The following RUNX2 variants were observed in gnomAD, a reference collection of about 807,000 sequenced individuals.
The protein encoded by RUNX2 is RUNX family transcription factor 2, also known as runt-related transcription factor 2.
A neutral mutation model predicts 51.7 loss-of-function variants in RUNX2; 10 were observed. That is an observed-to-expected ratio of 0.19 (90% CI 0.12 to 0.33). The LOEUF (loss-of-function observed/expected upper bound fraction) is 0.33, where lower values mean the gene tolerates loss of function less well. RUNX2 is among the 10% of genes least tolerant of loss of function. The pLI, the probability that RUNX2 is intolerant of heterozygous loss-of-function variation, is 1.00. For missense variants in RUNX2, 562 were observed against 691.3 expected, an observed-to-expected ratio of 0.81 and a Z score of 2.10; for synonymous variants, 276 against 273.6, an observed-to-expected ratio of 1.01 and a Z score of -0.09.
At chr6:45,337,472 G>GA (rs1165915885) in intron 2 of RUNX2, among the ~76,000 whole-genome samples, 1 of 151,656 alleles carries the variant, frequency 6.6e-6, no homozygotes, top group Non-Finnish European at 1.5e-5. Context: ...TAGAAGGCCA[G>GA]AAAATCTTAT....
intron 7 of RUNX2, among the ~76,000 whole-genome samples, chr6:45,530,649 C>A (rs1246720009): frequency 6.6e-6 from 1 of 152,192 alleles, no homozygotes; most frequent in Non-Finnish European, 1.5e-5. Flanking sequence ...TATGTACAGA[C>A]AAACTGAGGA....
chr6:45,499,176 T>G (rs531511701), intron 6 of RUNX2, among the ~76,000 whole-genome samples: 54 of 152,126 alleles, frequency 3.5e-4, no homozygotes, highest in Non-Finnish European at 5.7e-4. Context: ...TTGTTGGAAG[T>G]GGTTCTTTTT....
chr6:45,449,116 G>A (rs1317315575), intron 5 of RUNX2, among the ~76,000 whole-genome samples: 1 of 152,150 alleles, frequency 6.6e-6, no homozygotes, highest in Non-Finnish European at 1.5e-5. Flanking sequence ...ATTCCCTTAT[G>A]GCTAAGGGGA....
At chr6:45,350,952 T>C (rs1791881985) in intron 2 of RUNX2, among the ~76,000 whole-genome samples, 2 of 152,122 alleles carry the variant, frequency 1.3e-5, no homozygotes, top group Admixed American at 6.5e-5. Context: ...GTCAGATCAG[T>C]AGCAGCATTA....
At chr6:45,533,804 T>A (rs1397309832) in intron 7 of RUNX2, among the ~76,000 whole-genome samples, 1 of 151,856 alleles carries the variant, frequency 6.6e-6, no homozygotes, top group African/African-American at 2.4e-5. Context: ...CGAGAAGGCA[T>A]ACCAGTCATC....
intron 2 of RUNX2, 199 bp from the exon 3 acceptor site, chr6:45,422,394 T>C: frequency 1.7e-6 from 1 of 599,994 alleles, no homozygotes; most frequent in Non-Finnish European, 3.0e-6. Context: ...CGCCAGACTC[T>C]GTTGGCCCAT....
chr6:45,491,963 C>G lies in RUNX2; in HGVS notation c.708C>G (p.Asp236Glu). 6.2e-7 allele frequency: 1 copy of G among 1,613,886 alleles called. No individual in the cohort carries two copies. Among genetic ancestry groups the G allele is most frequent in the Non-Finnish European group, 8.5e-7 (1 of 1,179,860 alleles). ...CAGGGCACAGACAGAAGCTTGATGACTCTAAACCTAGTTTGTTCTCTGACC... is the reference window on the plus strand; with the variant it reads ...CAGGGCACAGACAGAAGCTTGATGAGTCTAAACCTAGTTTGTTCTCTGACC... ...EPRRHRQKLD[D>E]SKPSLFSDRL... The change falls in exon 6 of 9, where the codon GAC becomes GAG. Residue 236 changes from aspartate (D) to glutamate (E), a missense_variant. Asp to Glu is a conservative substitution (Grantham distance 45). This residue lies in a region of RUNX2 where 37 missense variants were observed against 66.5 expected (regional missense o/e 0.56). Coordinates refer to ENST00000647337, the MANE Select transcript of RUNX2 (RefSeq NM_001024630.4).
intron 2 of RUNX2, among the ~76,000 whole-genome samples, chr6:45,330,715 G>A (rs1787301025): frequency 6.6e-6 from 1 of 151,724 alleles, no homozygotes; most frequent in African/African-American, 2.4e-5. Flanking sequence ...GCATGGTAGT[G>A]AACCTTTTTT....
At chr6:45,450,550 G>A (rs1404937202) in intron 5 of RUNX2, among the ~76,000 whole-genome samples, 1 of 152,190 alleles carries the variant, frequency 6.6e-6, no homozygotes, top group Non-Finnish European at 1.5e-5. Flanking sequence ...ATTGCAAATT[G>A]TGATAAGTGC....
At chr6:45,528,546 A>G (rs781118291) in intron 7 of RUNX2, among the ~76,000 whole-genome samples, 1 of 152,108 alleles carries the variant, frequency 6.6e-6, no homozygotes, top group Non-Finnish European at 1.5e-5. Context: ...GTGTGAATCC[A>G]GGAGGCAGAG....
intron 2 of RUNX2, among the ~76,000 whole-genome samples, chr6:45,405,078 G>A (rs1389512475): frequency 1.3e-5 from 2 of 152,084 alleles, no homozygotes; most frequent in Non-Finnish European, 2.9e-5. Context: ...TATTTAGAAT[G>A]TTTTCCTTTT....
chr6:45,373,161 A>G (rs976065094), intron 2 of RUNX2, among the ~76,000 whole-genome samples: 4 of 151,874 alleles, frequency 2.6e-5, no homozygotes, highest in Admixed American at 1.3e-4. Flanking sequence ...TATATTGCCC[A>G]TCACTCTTAG....
chr6:45,512,488 T>G, intron 7 of RUNX2, 81 bp downstream of exon 7: 1 of 1,457,208 alleles, frequency 6.9e-7, no homozygotes, highest in East Asian at 2.3e-5. Flanking sequence ...GTCTCATCCA[T>G]GCTCACAGTG....
At chr6:45,440,203 T>C (rs1019358562) in intron 5 of RUNX2, among the ~76,000 whole-genome samples, 11 of 152,230 alleles carry the variant, frequency 7.2e-5, no homozygotes, top group Admixed American at 6.5e-4. Context: ...AGCATGGGTC[T>C]GCTTTGAGCG....
chr6:45,330,297 T>C (rs1787199393), intron 2 of RUNX2, among the ~76,000 whole-genome samples: 1 of 151,864 alleles, frequency 6.6e-6, no homozygotes, highest in African/African-American at 2.4e-5. Flanking sequence ...TAGACTACAT[T>C]ACAACACATA....
rs145324768 is a variant in RUNX2 at position 45,331,194 on chromosome 6, T to C, written c.58+2410T>C. ...CCTTGATCTCTCAGCATACTTCACT[T>C]TGAGTTAATCAAAAATTTTCAATCT... On this transcript the variant is annotated intron_variant, in intron 2 of 8. Transcript: ENST00000647337. Among the ~76,000 whole-genome samples the C allele has an allele frequency of 6.7e-3, 1,011 of 152,010 alleles. 8 individuals are homozygous for C. Among genetic ancestry groups the C allele is most frequent in the Non-Finnish European group, 0.012 (811 of 67,928 alleles).
At chr6:45,523,644 T>C (rs1025022330) in intron 7 of RUNX2, among the ~76,000 whole-genome samples, 6 of 151,764 alleles carry the variant, frequency 4.0e-5, no homozygotes, top group Non-Finnish European at 8.8e-5. Context: ...TCTTAGAAAA[T>C]AGATAACTAG....
At chr6:45,381,011 A>G (rs1797228917) in intron 2 of RUNX2, among the ~76,000 whole-genome samples, 4 of 152,266 alleles carry the variant, frequency 2.6e-5, no homozygotes, top group Middle Eastern at 6.8e-3. Flanking sequence ...CAATTATTTC[A>G]TCCTTTGCTA....
chr6:45,478,026 C>T (rs901280059), intron 5 of RUNX2, among the ~76,000 whole-genome samples: 2 of 151,968 alleles, frequency 1.3e-5, no homozygotes, highest in African/African-American at 4.8e-5. Context: ...CCTGCTGTTC[C>T]TTCTGGTTGG....
Sources: gnomAD v4.1 joint callset for allele counts (sites outside exome capture counted in the v4.1 genomes callset) on GRCh38, gnomAD v4.1.1 for gene constraint, gnomAD v4.1.1 regional missense constraint, MANE v1.5 for transcripts, NCBI Gene and HGNC (gene_info 2026-07-23, HGNC 2026-07-21) for gene names.